ZNF385B: variants seen among roughly 807,000 people sequenced by gnomAD.
ZNF385B encodes the protein zinc finger protein 533.
ZNF385B carries 23 observed loss-of-function variants against 39.2 expected under a neutral mutation model. That is an observed-to-expected ratio of 0.59 (90% CI 0.42 to 0.83). ZNF385B has a LOEUF of 0.83. Among genes scored for constraint, ZNF385B ranks in the 40% least tolerant of loss-of-function variants. The pLI, the probability that ZNF385B is intolerant of heterozygous loss-of-function variation, is 0.00. For missense variants in ZNF385B, 552 were observed against 598.9 expected (o/e 0.92, Z 0.82); for synonymous variants, 205 against 222.6 (o/e 0.92, Z 0.70).
Position 179,549,264 on chromosome 2 carries a change from C to T in ZNF385B, c.299-4295G>A, listed in dbSNP as rs958838391. ...CACTATTTTGCTATTATAAACAATG[C>T]TACTTTGAATATTCATGTACAAGTT... On this transcript the variant is annotated intron_variant, in intron 3 of 9. Coordinates refer to ENST00000410066, the MANE Select transcript of ZNF385B (RefSeq NM_152520.6). Among the ~76,000 whole-genome samples, 9 of 149,646 alleles carry T rather than the reference C, an allele frequency of 6.0e-5. 1 individual carries two copies. Among genetic ancestry groups the T allele is most frequent in the African/African-American group, 7.5e-5 (3 of 39,820 alleles).
intron 3 of ZNF385B, among the ~76,000 whole-genome samples, chr2:179,672,567 A>G (rs1313962002): frequency 6.6e-6 from 1 of 152,038 alleles, no homozygotes; most frequent in African/African-American, 2.4e-5. Context: ...TTATGTTGAA[A>G]TCCTAACCCC....
At chr2:179,741,261 C>G (rs886241628) in intron 3 of ZNF385B, among the ~76,000 whole-genome samples, 15 of 152,236 alleles carry the variant, frequency 9.9e-5, no homozygotes, top group African/African-American at 3.4e-4. Context: ...GCAGGTTCTC[C>G]TAACACCACA....
chr2:179,817,080 T>A (rs1486563035), intron 1 of ZNF385B, among the ~76,000 whole-genome samples: 2 of 152,202 alleles, frequency 1.3e-5, no homozygotes, highest in African/African-American at 4.8e-5. Flanking sequence ...GACAAATATC[T>A]GTCCTTATAT....
intron 3 of ZNF385B, among the ~76,000 whole-genome samples, chr2:179,705,463 T>A (rs927060829): frequency 2.6e-5 from 4 of 152,192 alleles, no homozygotes; most frequent in African/African-American, 9.7e-5. Flanking sequence ...GATTTCAACA[T>A]CCACATGGGC....
chr2:179,445,747 CAT>C lies in ZNF385B; in HGVS notation c.962-21_962-20del. ...TTAGATCCTAAGACAGAAAGAGACA[CAT>C]ATTAAATAGCTATCCAAGAATTATA... is the stretch of plus-strand genomic sequence containing the variant. On this transcript the variant is annotated intron_variant, in intron 7 of 9. Coordinates refer to ENST00000410066, the MANE Select transcript of ZNF385B (RefSeq NM_152520.6). 2.0e-5 allele frequency: 31 copies of C among 1,573,374 alleles called. No individual in the cohort carries two copies. Among genetic ancestry groups the C allele is most frequent in the Non-Finnish European group, 2.6e-5 (30 of 1,164,248 alleles).
chr2:179,679,874 C>A (rs1697360515), intron 3 of ZNF385B, among the ~76,000 whole-genome samples: 1 of 152,152 alleles, frequency 6.6e-6, no homozygotes, highest in African/African-American at 2.4e-5. Context: ...TCAGTCTAAA[C>A]CTGATCCCTG....
intron 5 of ZNF385B, 137 bp from the exon 6 acceptor site, chr2:179,483,571 C>T (rs907528632): frequency 1.0e-5 from 12 of 1,170,744 alleles, no homozygotes; most frequent in African/African-American, 1.5e-5. Flanking sequence ...GTTTTTGGCA[C>T]TTCATGAAAT....
intron 1 of ZNF385B, among the ~76,000 whole-genome samples, chr2:179,824,642 G>C (rs1445672020): frequency 6.6e-6 from 1 of 151,910 alleles, no homozygotes; most frequent in Non-Finnish European, 1.5e-5. Flanking sequence ...GTGAACATAG[G>C]TCTGTGTTTG....
rs1309988202 is a variant in ZNF385B at position 179,442,260 on chromosome 2, C to G, written c.*990G>C. 1 of 152,454 alleles carries G rather than the reference C, an allele frequency of 6.6e-6. No homozygotes were observed. Among genetic ancestry groups the G allele is most frequent in the Non-Finnish European group, 1.5e-5 (1 of 68,002 alleles). 9.4% of individuals were successfully genotyped at this position (152,454 alleles called of 1,614,324 possible). ...TCTGTACATTATTGCATTAGGGAGCCACAAAATTATGTAGCATCATTACAA... is the reference window on the plus strand; with the variant it reads ...TCTGTACATTATTGCATTAGGGAGCGACAAAATTATGTAGCATCATTACAA... On this transcript the variant is annotated 3_prime_UTR_variant, in exon 10 of 10. Coordinates refer to ENST00000410066, the MANE Select transcript of ZNF385B (RefSeq NM_152520.6).
intron 3 of ZNF385B, among the ~76,000 whole-genome samples, chr2:179,594,127 C>A (rs1687801000): frequency 1.3e-5 from 2 of 152,160 alleles, no homozygotes; most frequent in Non-Finnish European, 2.9e-5. Flanking sequence ...CTTCACTCCC[C>A]CAATTATTTG....
chr2:179,854,750 T>C (rs1291266180), intron 1 of ZNF385B, among the ~76,000 whole-genome samples: 2 of 152,222 alleles, frequency 1.3e-5, no homozygotes, highest in Non-Finnish European at 2.9e-5. Context: ...TCGCTCATTA[T>C]CTCTCACAAT....
At chr2:179,608,120 G>A (rs1376675656) in intron 3 of ZNF385B, among the ~76,000 whole-genome samples, 1 of 151,884 alleles carries the variant, frequency 6.6e-6, no homozygotes, top group Admixed American at 6.6e-5. Context: ...CACCACATTG[G>A]CCAGGCTGGT....
chr2:179,455,682 G>A (rs777175857), intron 6 of ZNF385B, among the ~76,000 whole-genome samples: 2 of 151,930 alleles, frequency 1.3e-5, no homozygotes, highest in Non-Finnish European at 2.9e-5. Context: ...CTCGAGGTCA[G>A]TATGAGACCA....
chr2:179,460,752 G>A (rs2051241139), intron 6 of ZNF385B, among the ~76,000 whole-genome samples: 2 of 152,120 alleles, frequency 1.3e-5, no homozygotes, highest in South Asian at 4.2e-4. Context: ...CAGCCACGAG[G>A]ACAGTTTTCC....
chr2:179,463,511 A>G (rs1310750377), intron 6 of ZNF385B, among the ~76,000 whole-genome samples: 1 of 150,788 alleles, frequency 6.6e-6, no homozygotes, highest in Non-Finnish European at 1.5e-5. Flanking sequence ...CTAGCCCCCA[A>G]CTCCCCAACA....
At chr2:179,649,642 T>C (rs1693036948) in intron 3 of ZNF385B, among the ~76,000 whole-genome samples, 1 of 152,208 alleles carries the variant, frequency 6.6e-6, no homozygotes, top group African/African-American at 2.4e-5. Flanking sequence ...ATATATCATA[T>C]AATACAATTT....
intron 3 of ZNF385B, among the ~76,000 whole-genome samples, chr2:179,747,370 T>A (rs1371314215): frequency 6.6e-6 from 1 of 152,134 alleles, no homozygotes; most frequent in Admixed American, 6.6e-5. Flanking sequence ...CATATACCTA[T>A]GCCATTGAAC....
chr2:179,735,896 G>T (rs185606114), intron 3 of ZNF385B, among the ~76,000 whole-genome samples: 1 of 112,910 alleles, frequency 8.9e-6, no homozygotes, highest in Non-Finnish European at 1.7e-5. Context: ...GTGGGGGGAG[G>T]GGGGAGGGAT....
chr2:179,527,754 T>C (rs1410840009), intron 4 of ZNF385B, among the ~76,000 whole-genome samples: 1 of 152,180 alleles, frequency 6.6e-6, no homozygotes, highest in Admixed American at 6.5e-5. Context: ...ATATTTACTA[T>C]ATTTTTCTTG....
Sources: allele counts gnomAD v4.1 joint callset (sites outside exome capture counted in the v4.1 genomes callset), GRCh38; gene constraint gnomAD v4.1.1; transcripts MANE v1.5; gene names NCBI Gene and HGNC (gene_info 2026-07-23, HGNC 2026-07-21).